Variants in POTEE observed in about 807,000 individuals in gnomAD.
POTEE encodes ANKRD26-like family C member 1A.
In POTEE, 21 loss-of-function variants were observed where a neutral mutation model predicts 74.2. The observed-to-expected ratio is 0.28, with a 90% CI of 0.20 to 0.41. The LOEUF (loss-of-function observed/expected upper bound fraction) is 0.41. POTEE is among the 10% of genes least tolerant of loss of function. The pLI, the probability that POTEE is intolerant of heterozygous loss-of-function variation, is 1.00. For missense variants in POTEE, 525 were observed against 1,158.6 expected (o/e 0.45, Z 7.94); for synonymous variants, 211 against 432.8 (o/e 0.49, Z 6.36).
At chr2:131,231,061 ATAT>A (rs1700938575) in intron 9 of POTEE, among the ~76,000 whole-genome samples, 155 bp downstream of exon 9, 1 of 151,462 alleles carries the variant, frequency 6.6e-6, no homozygotes, top group Non-Finnish European at 1.5e-5. Flanking sequence ...GTGCTACTTT[ATAT>A]TATTATCACA....
At chr2:131,230,771 T>C in intron 8 of POTEE, 65 bp from the exon 9 acceptor site, 3 of 1,562,364 alleles carry the variant, frequency 1.9e-6, no homozygotes, top group Non-Finnish European at 2.6e-6. Flanking sequence ...TAATTCTACA[T>C]TTGGTAAGTT....
chr2:131,225,851 G>T (rs1265399365), intron 6 of POTEE, among the ~76,000 whole-genome samples: 1 of 152,114 alleles, frequency 6.6e-6, no homozygotes, highest in African/African-American at 2.4e-5. Context: ...CTGTGACTGA[G>T]ACATTAAAAT....
Position 131,226,837 on chromosome 2 carries a change from A to G in POTEE, c.825A>G (p.Pro275=), listed in dbSNP as rs62177519. 0.031 allele frequency: 48,967 copies of G among 1,603,648 alleles called. 178 individuals are homozygous for G. Among genetic ancestry groups the G allele is most frequent in the Middle Eastern group, 0.037 (165 of 4,412 alleles). ...IESKNKHGLT[P]LLLGVHEQKQ... ...TTGTTTTACAGCATGGCCTCACACC[A>G]CTGTTACTTGGTGTACATGAGCAAA... Residue 275 remains proline (P), a synonymous_variant, in exon 7 of 18, where the codon CCA becomes CCG. Transcript: ENST00000683005.
intron 9 of POTEE, among the ~76,000 whole-genome samples, chr2:131,233,110 A>G (rs1025773673): frequency 7.2e-5 from 11 of 152,134 alleles, no homozygotes; most frequent in African/African-American, 2.4e-4. Context: ...TAGGGAGCCA[A>G]CAATGTGTGC....
chr2:131,212,299 GCT>G (rs1236385829), intron 2 of POTEE, among the ~76,000 whole-genome samples: 2 of 151,548 alleles, frequency 1.3e-5, no homozygotes, highest in African/African-American at 4.9e-5. Context: ...ACATCCTACT[GCT>G]CAAGGTCATT....
intron 4 of POTEE, among the ~76,000 whole-genome samples, chr2:131,220,420 G>C (rs188380544): frequency 0.017 from 2,548 of 152,024 alleles, 80 homozygotes; most frequent in African/African-American, 0.059. Context: ...TGGCCAGGCA[G>C]GTCTTGAACT....
In POTEE at chr2:131,218,177, C is replaced by T. The variant is rs1266813392; in HGVS notation, c.-93-133C>T. 28 of 828,004 alleles carry T rather than the reference C, an allele frequency of 3.4e-5. No individual in the cohort carries two copies. The Admixed American group carries it at 4.7e-4, about 14-fold the overall frequency. 51.3% of individuals were successfully genotyped at this position (828,004 alleles called of 1,614,324 possible). On this transcript the variant is annotated intron_variant, in intron 3 of 17. Transcript: ENST00000683005. Reference sequence around the variant, plus strand: ...TGGGGTTGGCCCTTTCTGGGGTGGGCGTGGGGTCGCCCAGGGGGGGCGTGG... The same window carrying T: ...TGGGGTTGGCCCTTTCTGGGGTGGGTGTGGGGTCGCCCAGGGGGGGCGTGG...
At chr2:131,230,699 A>T (rs917713158) in intron 8 of POTEE, 137 bp from the exon 9 acceptor site, 2 of 773,746 alleles carry the variant, frequency 2.6e-6, no homozygotes, top group African/African-American at 3.4e-5. Flanking sequence ...GAATGTATTC[A>T]TAAGTGGATG....
intron 9 of POTEE, among the ~76,000 whole-genome samples, chr2:131,233,854 CAGT>C (rs1450437899): frequency 4.0e-5 from 6 of 150,008 alleles, no homozygotes; most frequent in Non-Finnish European, 7.4e-5. Context: ...CCAGGTTGTA[CAGT>C]AGTATTTAAC....
At chr2:131,215,935 G>GA in intron 2 of POTEE, among the ~76,000 whole-genome samples, 1 of 148,684 alleles carries the variant, frequency 6.7e-6, no homozygotes, top group South Asian at 2.2e-4. Context: ...GGGAAGGGGT[G>GA]AGATTGTCTG....
At chr2:131,230,305 AAC>A (rs1230708341) in intron 8 of POTEE, among the ~76,000 whole-genome samples, 1 of 152,202 alleles carries the variant, frequency 6.6e-6, no homozygotes, top group Non-Finnish European at 1.5e-5. Flanking sequence ...TGTATATTAG[AAC>A]CTATGAACAA....
chr2:131,225,378 TAACAACAACAAC>T (rs113056508), intron 6 of POTEE, among the ~76,000 whole-genome samples: 2 of 126,928 alleles, frequency 1.6e-5, no homozygotes, highest in Admixed American at 8.3e-5. Flanking sequence ...ACCCTGTCTC[TAACAACAACAAC>T]AACAACGACA....
At chr2:131,256,865 G>A (rs372585564) in intron 16 of POTEE, among the ~76,000 whole-genome samples, 287 of 152,096 alleles carry the variant, frequency 1.9e-3, no homozygotes, top group African/African-American at 2.4e-3. Flanking sequence ...TCATCAGGAC[G>A]CGTCAGGCTT....
Position 131,212,380 on chromosome 2 carries a change from C to T in POTEE, c.-189+1197C>T, listed in dbSNP as rs549557726. 1.3e-4 allele frequency among the ~76,000 whole-genome samples: 19 copies of T among 151,384 alleles called. No homozygotes were observed. In the South Asian group the frequency reaches 3.6e-3, roughly 29 times the overall value. ...AGCCTCTGGCATAAATGGGCTAATGCGTTATAAGTAGTTATTCAGAGAATC... is the reference window on the plus strand; with the variant it reads ...AGCCTCTGGCATAAATGGGCTAATGTGTTATAAGTAGTTATTCAGAGAATC... On this transcript the variant is annotated intron_variant, in intron 2 of 17. Coordinates refer to ENST00000683005, the MANE Select transcript of POTEE (RefSeq NM_001083538.3).
At chr2:131,235,631 A>G (rs1701104653) in intron 9 of POTEE, among the ~76,000 whole-genome samples, 1 of 151,844 alleles carries the variant, frequency 6.6e-6, no homozygotes, top group Non-Finnish European at 1.5e-5. Context: ...GTCTCTACTA[A>G]AAACATGAAA....
chr2:131,234,044 C>T (rs1403916680), intron 9 of POTEE, among the ~76,000 whole-genome samples: 1 of 151,070 alleles, frequency 6.6e-6, no homozygotes, highest in Admixed American at 6.6e-5. Flanking sequence ...TAGTTTGACT[C>T]TCACTAATAA....
In POTEE at chr2:131,214,428, A is replaced by G. The variant is rs572046880; in HGVS notation, c.-188-3161A>G. 2.0e-5 allele frequency among the ~76,000 whole-genome samples: 3 copies of G among 152,364 alleles called. No individual in the cohort carries two copies. The South Asian group carries it at 6.2e-4, about 32-fold the overall frequency. ...GAATGACTAATTACAAAAGAGGGAA[A>G]TACAGGACAGGTCAGATAAATTTAA... On this transcript the variant is annotated intron_variant, in intron 2 of 17. Transcript: ENST00000683005.
chr2:131,227,701 T>G (rs1302323339), intron 7 of POTEE, among the ~76,000 whole-genome samples: 3 of 147,154 alleles, frequency 2.0e-5, no homozygotes, highest in African/African-American at 7.9e-5. Flanking sequence ...TGTTGTCATA[T>G]ATGAAAAGTA....
rs770282354 is a variant in POTEE at position 131,223,581 on chromosome 2, T to C, written c.522-15T>C. On this transcript the variant is annotated splice_polypyrimidine_tract_variant and intron_variant, in intron 4 of 17. Coordinates refer to ENST00000683005, the MANE Select transcript of POTEE (RefSeq NM_001083538.3). ...GTGCACTACAATTTCCTAAAAAGTC[T>C]TGTCACTCTCATAGGACTGCTCTAC... 108 of 1,612,156 alleles carry C rather than the reference T, an allele frequency of 6.7e-5. No individual in the cohort carries two copies. The highest frequency in any genetic ancestry group is 1.7e-5 in the Admixed American group (1 of 59,984).
Sources: gnomAD v4.1 joint callset for allele counts (sites outside exome capture counted in the v4.1 genomes callset) on GRCh38, gnomAD v4.1.1 for gene constraint, MANE v1.5 for transcripts, NCBI Gene and HGNC (gene_info 2026-07-23, HGNC 2026-07-21) for gene names.